The following SORCS2 variants were observed in gnomAD, a reference collection of about 807,000 sequenced individuals.
SORCS2 encodes the protein sortilin related VPS10 domain containing receptor 2.
Under a neutral mutation model 141.6 loss-of-function variants are expected in SORCS2, and 100 were observed. The observed-to-expected ratio is 0.71, with a 90% CI of 0.60 to 0.83. The LOEUF is 0.83. Among genes scored for constraint, SORCS2 ranks in the 40% least tolerant of loss-of-function variants. The pLI, the probability that SORCS2 is intolerant of heterozygous loss-of-function variation, is 0.00. For synonymous variants in SORCS2, 789 were observed against 676.9 expected, an observed-to-expected ratio of 1.17 and a Z score of -2.57; for missense variants, 1,646 against 1,560.2, an observed-to-expected ratio of 1.05 and a Z score of -0.93.
intron 1 of SORCS2, among the ~76,000 whole-genome samples, chr4:7,279,681 C>A (rs188658059): frequency 6.6e-6 from 1 of 152,156 alleles, no homozygotes; most frequent in Non-Finnish European, 1.5e-5. Context: ...AGTGTCCAGC[C>A]GCGGAATTAC....
chr4:7,545,566 C>G (rs967892200), intron 3 of SORCS2, among the ~76,000 whole-genome samples: 1 of 152,182 alleles, frequency 6.6e-6, no homozygotes, highest in African/African-American at 2.4e-5. Context: ...AACACAGGCT[C>G]ACCAAGGCTC....
intron 1 of SORCS2, among the ~76,000 whole-genome samples, chr4:7,317,754 C>T (rs554010588): frequency 6.6e-6 from 1 of 152,352 alleles, no homozygotes; most frequent in Admixed American, 6.5e-5. Context: ...CATATCACTT[C>T]CAGGCTCCCA....
chr4:7,390,818 G>A (rs1384828594), intron 1 of SORCS2, among the ~76,000 whole-genome samples: 1 of 152,224 alleles, frequency 6.6e-6, no homozygotes, highest in Non-Finnish European at 1.5e-5. Flanking sequence ...CCCAGGGCAT[G>A]TTATTAGGTT....
chr4:7,603,302 GAT>G (rs35899119), intron 3 of SORCS2, among the ~76,000 whole-genome samples: 39,531 of 152,008 alleles, frequency 0.26, 6,288 homozygotes, highest in East Asian at 0.67. Context: ...CTTGCATGCA[GAT>G]ATCTTTCTGT....
chr4:7,230,269 T>C (rs898479474), intron 1 of SORCS2, among the ~76,000 whole-genome samples: 1 of 119,904 alleles, frequency 8.3e-6, no homozygotes, highest in African/African-American at 3.1e-5. Flanking sequence ...TTCTAGTCGC[T>C]GGGCAGGAGC....
intron 1 of SORCS2, among the ~76,000 whole-genome samples, chr4:7,247,767 T>G (rs566265251): frequency 6.6e-6 from 1 of 152,298 alleles, no homozygotes; most frequent in South Asian, 2.1e-4. Context: ...CTCCTCATCT[T>G]TGAACTGGGG....
chr4:7,275,797 T>G (rs1250226297), intron 1 of SORCS2, among the ~76,000 whole-genome samples: 3 of 152,148 alleles, frequency 2.0e-5, no homozygotes, highest in Non-Finnish European at 4.4e-5. Flanking sequence ...TGATGTGTAG[T>G]GTCGTGATGC....
intron 1 of SORCS2, among the ~76,000 whole-genome samples, chr4:7,388,154 G>GC (rs55884759): frequency 0.35 from 53,238 of 151,960 alleles, 9,559 homozygotes; most frequent in East Asian, 0.56. Context: ...GCGCACAGAT[G>GC]CCCCCACACC....
At chr4:7,625,199 T>C (rs903505682) in intron 3 of SORCS2, among the ~76,000 whole-genome samples, 12 of 152,188 alleles carry the variant, frequency 7.9e-5, no homozygotes, top group African/African-American at 2.9e-4. Flanking sequence ...CAGTCAATTC[T>C]GTAATCGTGT....
intron 1 of SORCS2, among the ~76,000 whole-genome samples, chr4:7,393,051 C>G (rs548893446): frequency 1.3e-5 from 2 of 152,172 alleles, no homozygotes; most frequent in Non-Finnish European, 2.9e-5. Flanking sequence ...GCCTTCCCCA[C>G]GGCCGGGAGG....
Position 7,342,811 on chromosome 4 carries a change from C to T in SORCS2, c.481-53477C>T, listed in dbSNP as rs542108278. Among the ~76,000 whole-genome samples the T allele has an allele frequency of 3.3e-5, 5 of 152,314 alleles. No homozygotes were observed. The East Asian group carries it at 7.7e-4, about 23-fold the overall frequency. On this transcript the variant is annotated intron_variant, in intron 1 of 26. Coordinates refer to ENST00000507866, the MANE Select transcript of SORCS2 (RefSeq NM_020777.3). Reference sequence around the variant, plus strand: ...GCGGTAATTATAACGGTTGTTAACCCGCAGAGCTGTGAGCAGGCAGATGGG... The same window carrying T: ...GCGGTAATTATAACGGTTGTTAACCTGCAGAGCTGTGAGCAGGCAGATGGG...
intron 1 of SORCS2, among the ~76,000 whole-genome samples, chr4:7,284,984 T>C (rs1261291922): frequency 1.3e-5 from 2 of 151,834 alleles, no homozygotes; most frequent in African/African-American, 4.8e-5. Flanking sequence ...ACACCTGTCA[T>C]TGGATTTAAG....
intron 10 of SORCS2, among the ~76,000 whole-genome samples, chr4:7,686,522 C>T (rs1317888414): frequency 3.3e-5 from 5 of 152,228 alleles, no homozygotes; most frequent in African/African-American, 1.2e-4. Context: ...CCGGGCCCAC[C>T]TCGGTCAACA....
chr4:7,276,038 C>A (rs954971962), intron 1 of SORCS2, among the ~76,000 whole-genome samples: 2 of 152,132 alleles, frequency 1.3e-5, no homozygotes, highest in African/African-American at 2.4e-5. Context: ...GCTCATAATG[C>A]GTAACGGGGG....
In SORCS2 at chr4:7,505,691, C is replaced by T. The variant is rs367654246; in HGVS notation, c.549-25839C>T. On this transcript the variant is annotated intron_variant, in intron 2 of 26. Coordinates refer to ENST00000507866, the MANE Select transcript of SORCS2 (RefSeq NM_020777.3). ...ACCCCCGAGAGCCTGGCTCTGCCAGCGGGAACACGAGGACGCAGCAGCAAG... is the reference window on the plus strand; with the variant it reads ...ACCCCCGAGAGCCTGGCTCTGCCAGTGGGAACACGAGGACGCAGCAGCAAG... Among the ~76,000 whole-genome samples the T allele has an allele frequency of 1.7e-3, 253 of 152,190 alleles. 1 individual carries two copies. Among genetic ancestry groups the T allele is most frequent in the Non-Finnish European group, 2.5e-3 (169 of 67,996 alleles).
chr4:7,272,055 T>C (rs1560155079), intron 1 of SORCS2, among the ~76,000 whole-genome samples: 2 of 152,182 alleles, frequency 1.3e-5, no homozygotes, highest in Non-Finnish European at 2.9e-5. Context: ...GTAACGTGGA[T>C]GGGGTTTCCA....
At chr4:7,218,055 C>T (rs1466963432) in intron 1 of SORCS2, among the ~76,000 whole-genome samples, 2 of 151,752 alleles carry the variant, frequency 1.3e-5, no homozygotes, top group South Asian at 2.1e-4. Context: ...CATGCATGTG[C>T]GTGAATGGCC....
At chr4:7,450,049 T>C (rs1728340708) in intron 2 of SORCS2, among the ~76,000 whole-genome samples, 2 of 152,210 alleles carry the variant, frequency 1.3e-5, no homozygotes, top group African/African-American at 4.8e-5. Context: ...TTGTCAGGGT[T>C]TCTCCAGAAA....
At chr4:7,209,758 C>T (rs747293668) in intron 1 of SORCS2, among the ~76,000 whole-genome samples, 14 of 152,056 alleles carry the variant, frequency 9.2e-5, no homozygotes, top group Non-Finnish European at 1.8e-4. Flanking sequence ...GGGACGAAGA[C>T]CAGGCAGAAC....
Sources: gnomAD v4.1 joint callset for allele counts (sites outside exome capture counted in the v4.1 genomes callset) on GRCh38, gnomAD v4.1.1 for gene constraint, MANE v1.5 for transcripts, NCBI Gene and HGNC (gene_info 2026-07-23, HGNC 2026-07-21) for gene names.